Variants in TIGAR observed in about 807,000 individuals in gnomAD.
The protein encoded by TIGAR is fructose-2,6-bisphosphatase TIGAR.
In TIGAR, 7 loss-of-function variants were observed where a neutral mutation model predicts 17.9. The ratio of observed to expected loss-of-function variants is 0.39; its 90% CI spans 0.22 to 0.73. The LOEUF (loss-of-function observed/expected upper bound fraction) is 0.73. TIGAR is among the 30% of genes least tolerant of loss of function. The probability of loss-of-function intolerance (pLI) is 0.42; values close to 1 mark genes in which losing one functional copy is unlikely to be tolerated. For synonymous variants in TIGAR, 94 were observed against 108.6 expected (o/e 0.87, Z 0.84); for missense variants, 258 against 327.4 (o/e 0.79, Z 1.64).
chr12:4,347,237 C>G (rs1453961967), intron 3 of TIGAR, among the ~76,000 whole-genome samples: 1 of 152,152 alleles, frequency 6.6e-6, no homozygotes, highest in East Asian at 1.9e-4. Flanking sequence ...GAGATCCTGT[C>G]ATTTGCAACA....
rs1440829089 is a variant in TIGAR at position 4,359,512 on chromosome 12, G to C, written c.*6821G>C. Among the ~76,000 whole-genome samples, 1 of 152,044 alleles carries C rather than the reference G, an allele frequency of 6.6e-6. No individual in the cohort carries two copies. The highest frequency in any genetic ancestry group is 1.5e-5 in the Non-Finnish European group (1 of 68,008). On this transcript the variant is annotated 3_prime_UTR_variant, in exon 6 of 6. Transcript: ENST00000179259. Reference sequence around the variant, plus strand: ...ATGGTATTTAGAAACCAAGATCTCGGTGCCAGGGTGCTCATTGCTAATAGT... The same window carrying C: ...ATGGTATTTAGAAACCAAGATCTCGCTGCCAGGGTGCTCATTGCTAATAGT...
At chr12:4,329,722 G>A (rs1282629920) in intron 1 of TIGAR, among the ~76,000 whole-genome samples, 2 of 152,104 alleles carry the variant, frequency 1.3e-5, no homozygotes, top group Non-Finnish European at 2.9e-5. Context: ...TTGTCATTTT[G>A]ATAGGTATTT....
chr12:4,351,968 C>T (rs937106722), intron 5 of TIGAR, among the ~76,000 whole-genome samples: 4 of 152,176 alleles, frequency 2.6e-5, no homozygotes, highest in Admixed American at 2.6e-4. Flanking sequence ...TTTCTGTTGG[C>T]TTGTAGATTT....
chr12:4,326,580 G>A (rs1347168627), intron 1 of TIGAR, among the ~76,000 whole-genome samples: 2 of 152,186 alleles, frequency 1.3e-5, no homozygotes, highest in African/African-American at 4.8e-5. Context: ...GTCTACAGCA[G>A]CCTCTGTTGA....
intron 3 of TIGAR, among the ~76,000 whole-genome samples, chr12:4,338,792 A>G (rs945393926): frequency 3.9e-5 from 6 of 152,086 alleles, no homozygotes; most frequent in Non-Finnish European, 8.8e-5. Context: ...AGCCTGGGCA[A>G]TACGGTGAAA....
intron 2 of TIGAR, among the ~76,000 whole-genome samples, chr12:4,334,978 T>A (rs1170083205): frequency 5.9e-5 from 9 of 152,134 alleles, no homozygotes; most frequent in Non-Finnish European, 5.9e-5. Context: ...GTACATGTGT[T>A]TTCTTATTCT....
At chr12:4,349,714 G>C in intron 3 of TIGAR, 105 bp from the exon 4 acceptor site, 1 of 961,334 alleles carries the variant, frequency 1.0e-6, no homozygotes, top group Non-Finnish European at 1.6e-6. Context: ...ACCGTGCCTG[G>C]TTCTAGTTCT....
At chr12:4,338,793 T>TA (rs1864687047) in intron 3 of TIGAR, among the ~76,000 whole-genome samples, 1 of 151,780 alleles carries the variant, frequency 6.6e-6, no homozygotes, top group Admixed American at 6.6e-5. Context: ...GCCTGGGCAA[T>TA]ACGGTGAAAC....
At chr12:4,326,563 C>G (rs1565445446) in intron 1 of TIGAR, among the ~76,000 whole-genome samples, 1 of 152,154 alleles carries the variant, frequency 6.6e-6, no homozygotes, top group Non-Finnish European at 1.5e-5. Context: ...GTTAATAATA[C>G]TATTGAGTCT....
In TIGAR at chr12:4,323,529, T is replaced by A. The variant is rs1864504300; in HGVS notation, c.32+2226T>A. On this transcript the variant is annotated intron_variant, in intron 1 of 5. Coordinates refer to ENST00000179259, the MANE Select transcript of TIGAR (RefSeq NM_020375.3). ...TCTGACAGTTTAGTGAGTTAAGGAC[T>A]GATATCCTCATTTTTCACATGAGGC... 2.0e-5 allele frequency among the ~76,000 whole-genome samples: 3 copies of A among 152,236 alleles called. No homozygotes were observed. The South Asian group carries it at 6.2e-4, about 32-fold the overall frequency.
chr12:4,341,285 G>A (rs983023207), intron 3 of TIGAR, among the ~76,000 whole-genome samples: 3 of 152,014 alleles, frequency 2.0e-5, no homozygotes, highest in South Asian at 2.1e-4. Flanking sequence ...GAGGGGGGGC[G>A]GTTCCAAGAT....
At chr12:4,349,399 C>T (rs1365637383) in intron 3 of TIGAR, among the ~76,000 whole-genome samples, 1 of 151,080 alleles carries the variant, frequency 6.6e-6, no homozygotes, top group Non-Finnish European at 1.5e-5. Context: ...GCAACTTTTG[C>T]AAAGGAAAAT....
In TIGAR at chr12:4,355,210, C is replaced by T. The variant is rs532617063; in HGVS notation, c.*2519C>T. Among the ~76,000 whole-genome samples, 6 of 152,010 alleles carry T rather than the reference C, an allele frequency of 3.9e-5. 1 individual carries two copies. Among genetic ancestry groups the T allele is most frequent in the African/African-American group, 1.2e-4 (5 of 41,434 alleles). ...TGTCAAATCTTGAAATTGAAATTTGCTTTTTATAGTATAAGGTAAGAATTT... is the reference window on the plus strand; with the variant it reads ...TGTCAAATCTTGAAATTGAAATTTGTTTTTTATAGTATAAGGTAAGAATTT... On this transcript the variant is annotated 3_prime_UTR_variant, in exon 6 of 6. Transcript: ENST00000179259.
intron 2 of TIGAR, among the ~76,000 whole-genome samples, chr12:4,335,183 G>A (rs1301344073): frequency 5.9e-5 from 9 of 151,928 alleles, no homozygotes; most frequent in Non-Finnish European, 1.2e-4. Context: ...GATTACAGGC[G>A]TGCTCCACCA....
In TIGAR at chr12:4,351,226, C is replaced by T. The variant is rs963521784; in HGVS notation, c.271-41C>T. 1.9e-6 allele frequency: 3 copies of T among 1,571,150 alleles called. No individual in the cohort carries two copies. The African/African-American group carries it at 4.1e-5, about 21-fold the overall frequency. On this transcript the variant is annotated intron_variant, in intron 4 of 5. Coordinates refer to ENST00000179259, the MANE Select transcript of TIGAR (RefSeq NM_020375.3). ...AAACATAAACTTAATTGTTATATTG[C>T]AATTTCATTTGAGAAACTGTTATCT...
intron 2 of TIGAR, among the ~76,000 whole-genome samples, chr12:4,336,197 A>G (rs996506824): frequency 1.3e-5 from 2 of 152,066 alleles, no homozygotes; most frequent in Non-Finnish European, 2.9e-5. Context: ...TTTGCATTTT[A>G]TTTTACCACA....
At chr12:4,328,392 A>G (rs1335340073) in intron 1 of TIGAR, among the ~76,000 whole-genome samples, 2 of 151,602 alleles carry the variant, frequency 1.3e-5, no homozygotes, top group African/African-American at 4.8e-5. Flanking sequence ...GGATTCTACC[A>G]TGTTGGCCAG....
At chr12:4,333,228 TTAAG>T (rs1211825973) in intron 2 of TIGAR, among the ~76,000 whole-genome samples, 5 of 152,184 alleles carry the variant, frequency 3.3e-5, no homozygotes, top group African/African-American at 1.2e-4. Context: ...ATACTCATGT[TTAAG>T]TGTTATCTCA....
chr12:4,336,466 A>G lies in TIGAR; in HGVS notation c.71-573A>G, dbSNP rs1001395841. Among the ~76,000 whole-genome samples the G allele has an allele frequency of 2.6e-3, 389 of 149,834 alleles. 16 individuals carry two copies. The East Asian group carries it at 0.072, about 28-fold the overall frequency. ...ATGCAGCACACACACACACACACAC[A>G]CACACACACACACACACACACACAC... On this transcript the variant is annotated intron_variant, in intron 2 of 5. Transcript: ENST00000179259.
Sources: allele counts gnomAD v4.1 joint callset (sites outside exome capture counted in the v4.1 genomes callset), GRCh38; gene constraint gnomAD v4.1.1; transcripts MANE v1.5; gene names NCBI Gene and HGNC (gene_info 2026-07-23, HGNC 2026-07-21).